Variants in TOP1 observed in about 807,000 individuals in gnomAD.
TOP1 encodes the protein DNA topoisomerase I, also known as DNA topoisomerase 1.
In TOP1, 10 loss-of-function variants were observed where a neutral mutation model predicts 111.1. That is an observed-to-expected ratio of 0.09 (90% CI 0.06 to 0.15). TOP1 has a LOEUF of 0.15. Among genes scored for constraint, TOP1 ranks in the 10% least tolerant of loss-of-function variants. TOP1 has a pLI of 1.00. For synonymous variants in TOP1, 271 were observed against 302.9 expected, an observed-to-expected ratio of 0.89 and a Z score of 1.10; for missense variants, 474 against 926.7, an observed-to-expected ratio of 0.51 and a Z score of 6.34.
chr20:41,076,235 T>C lies in TOP1; in HGVS notation c.220T>C (p.Ser74Pro), dbSNP rs2033725844. The C allele has an allele frequency of 6.2e-7, 1 of 1,602,008 alleles. No individual in the cohort carries two copies. The highest frequency in any genetic ancestry group is 8.6e-7 in the Non-Finnish European group (1 of 1,169,454). Residue 74 changes from serine to proline, a missense_variant, in exon 4 of 21, where the codon TCA becomes CCA. By Grantham distance (74) the Ser-to-Pro change is moderately conservative (BLOSUM62 -1). Coordinates refer to ENST00000361337, the MANE Select transcript of TOP1 (RefSeq NM_003286.4). ...GAAGACCAAACACAAAGATGGAAGC[T>C]CAGAAAAGCATAAAGACAAACATAA... The part of the protein sequence containing the change: ...KEKTKHKDGS[S>P]EKHKDKHKDR...
chr20:41,068,870 GA>G (rs898053584), intron 3 of TOP1, among the ~76,000 whole-genome samples: 3 of 152,174 alleles, frequency 2.0e-5, no homozygotes, highest in African/African-American at 7.2e-5. Flanking sequence ...AGCAATTTGG[GA>G]GGGGGGCTTG....
chr20:41,074,109 C>G (rs1324127354), intron 3 of TOP1, among the ~76,000 whole-genome samples: 1 of 152,144 alleles, frequency 6.6e-6, no homozygotes, highest in Non-Finnish European at 1.5e-5. Flanking sequence ...AGCAACCTTG[C>G]TCTTTGACCA....
In TOP1 at chr20:41,046,399, C is replaced by T. The variant is rs1053740771; in HGVS notation, c.59-14995C>T. Among the ~76,000 whole-genome samples the T allele has an allele frequency of 1.3e-5, 2 of 152,168 alleles. No individual in the cohort carries two copies. Among genetic ancestry groups the T allele is most frequent in the African/African-American group, 4.8e-5 (2 of 41,432 alleles). On this transcript the variant is annotated intron_variant, in intron 2 of 20. Transcript: ENST00000361337. This position sits in a 1 kb window ranked among gnomAD's most constrained non-coding sequence, Gnocchi z 4.3. Reference sequence around the variant, plus strand: ...CTGAGTTCTTAGTTGTGATACAAAACAAGGTAAAGGGGGACCTGGGGTGAC... The same window carrying T: ...CTGAGTTCTTAGTTGTGATACAAAATAAGGTAAAGGGGGACCTGGGGTGAC...
intron 3 of TOP1, chr20:41,072,601 CCTAGGA>C: frequency 3.0e-6 from 3 of 985,394 alleles, no homozygotes; most frequent in Non-Finnish European, 3.6e-6. Flanking sequence ...CAGGCACATT[CCTAGGA>C]AAGATTGGCA....
chr20:41,112,954 T>C lies in TOP1; in HGVS notation c.1452+29T>C. ...AGAGCATCTTCCCATCGGCATTGTC[T>C]AGTGTTGAGCTTAACAAAGGGAGTT... is the stretch of plus-strand genomic sequence containing the variant. On this transcript the variant is annotated intron_variant, in intron 14 of 20. Coordinates refer to ENST00000361337, the MANE Select transcript of TOP1 (RefSeq NM_003286.4). The surrounding 1 kb of genome is among the most constrained non-coding windows in gnomAD (Gnocchi z 5.8). 6.2e-7 allele frequency: 1 copy of C among 1,608,870 alleles called. No homozygotes were observed.
At chr20:41,059,416 A>AT (rs1179229682) in intron 2 of TOP1, among the ~76,000 whole-genome samples, 2 of 110,810 alleles carry the variant, frequency 1.8e-5, no homozygotes, top group African/African-American at 7.7e-5. Flanking sequence ...TAGAAAATAA[A>AT]TAAATAAATA....
At chr20:41,052,750 G>A (rs761772324) in intron 2 of TOP1, among the ~76,000 whole-genome samples, 40 of 152,152 alleles carry the variant, frequency 2.6e-4, no homozygotes, top group Non-Finnish European at 5.0e-4. Flanking sequence ...CAGCACTTTG[G>A]GAGGCCAAGG....
At chr20:41,063,223 G>T (rs1366557390) in intron 3 of TOP1, among the ~76,000 whole-genome samples, 1 of 152,152 alleles carries the variant, frequency 6.6e-6, no homozygotes, top group African/African-American at 2.4e-5. Context: ...ATTTGCTCAG[G>T]ATAATAGCCT....
chr20:41,037,886 A>C (rs2033209391), intron 2 of TOP1, among the ~76,000 whole-genome samples: 1 of 152,356 alleles, frequency 6.6e-6, no homozygotes, highest in East Asian at 1.9e-4. Context: ...AAATTCAATT[A>C]AAAGTAGGCA....
At position 41,098,318 on chromosome 20, in the gene TOP1, T is replaced by A; in HGVS notation, c.956T>A (p.Met319Lys). ...GCCCAGACGGAAGCTCGGAAACAGATGAGCAAGGAAGAGAAACTGGTACTA... is the reference window on the plus strand; with the variant it reads ...GCCCAGACGGAAGCTCGGAAACAGAAGAGCAAGGAAGAGAAACTGGTACTA... Reference protein sequence around the residue: ...FKAQTEARKQMSKEEKLKIKE... With the variant: ...FKAQTEARKQKSKEEKLKIKE... Residue 319 changes from methionine to lysine, a missense_variant, in exon 11 of 21, where the codon ATG becomes AAG. By Grantham distance (95) the Met-to-Lys change is moderately conservative. Around this residue, in one of 14 missense-constraint regions of TOP1, gnomAD observed 84 missense variants for 119.2 expected, o/e 0.70. Coordinates refer to ENST00000361337, the MANE Select transcript of TOP1 (RefSeq NM_003286.4). This position sits in a 1 kb window ranked among gnomAD's most constrained non-coding sequence, Gnocchi z 5.7. The A allele has an allele frequency of 6.2e-7, 1 of 1,613,910 alleles. No homozygotes were observed. The highest frequency in any genetic ancestry group is 2.2e-5 in the East Asian group (1 of 44,858).
intron 2 of TOP1, among the ~76,000 whole-genome samples, chr20:41,041,915 T>G (rs1336643581): frequency 5.3e-5 from 8 of 151,314 alleles, no homozygotes; most frequent in African/African-American, 2.0e-4. Context: ...TGATTATTAT[T>G]ATTATTATTT....
At chr20:41,035,665 G>A (rs928507927) in intron 2 of TOP1, among the ~76,000 whole-genome samples, 2 of 152,174 alleles carry the variant, frequency 1.3e-5, no homozygotes, top group Non-Finnish European at 1.5e-5. Flanking sequence ...CGCTAGCAAA[G>A]ATAGATGCCT....
chr20:41,112,853 G>C lies in TOP1; in HGVS notation c.1380G>C (p.Gln460His), dbSNP rs1451410497. ...AATGTGTGGACAAGATCCGGAACCA[G>C]TATCGAGAAGACTGGAAGTCCAAAG... is the stretch of plus-strand genomic sequence containing the variant. The part of the protein sequence containing the change: ...LKKCVDKIRN[Q>H]YREDWKSKEM... Residue 460 changes from glutamine (Q) to histidine (H), a missense_variant, in exon 14 of 21, where the codon CAG becomes CAC. Physicochemically the swap from Gln to His is conservative, Grantham distance 24. Coordinates refer to ENST00000361337, the MANE Select transcript of TOP1 (RefSeq NM_003286.4). This position sits in a 1 kb window ranked among gnomAD's most constrained non-coding sequence, Gnocchi z 5.8. 6.2e-7 allele frequency: 1 copy of C among 1,614,246 alleles called. No individual in the cohort carries two copies. Among genetic ancestry groups the C allele is most frequent in the South Asian group, 1.1e-5 (1 of 91,084 alleles).
chr20:41,116,249 A>G lies in TOP1; in HGVS notation c.1708-29A>G. The G allele has an allele frequency of 6.6e-7, 1 of 1,504,570 alleles. No homozygotes were observed. The highest frequency in any genetic ancestry group is 9.2e-7 in the Non-Finnish European group (1 of 1,082,254). 93.2% of individuals were successfully genotyped at this position (1,504,570 alleles called of 1,614,324 possible). A position where few individuals can be genotyped will look rare whatever the true frequency, so the allele number is the denominator to read the frequency against. ...AGAAGGAGCAGGTAGTATAGCTTTG[A>G]CCTAAATCTGTTGCTTTGTCTCCTC... On this transcript the variant is annotated intron_variant, in intron 16 of 20. Transcript: ENST00000361337. This position sits in a 1 kb window ranked among gnomAD's most constrained non-coding sequence, Gnocchi z 5.6.
intron 3 of TOP1, chr20:41,073,345 A>G: frequency 2.0e-6 from 2 of 981,602 alleles, no homozygotes; most frequent in Non-Finnish European, 2.4e-6. Flanking sequence ...TTCCTGAATT[A>G]GCCATTTATA....
At chr20:41,086,667 G>T (rs970002916) in intron 8 of TOP1, among the ~76,000 whole-genome samples, 6 of 152,180 alleles carry the variant, frequency 3.9e-5, no homozygotes, top group Non-Finnish European at 7.3e-5. Flanking sequence ...CCTTATCAGT[G>T]TTGCCACACA....
Position 41,115,312 on chromosome 20 carries a change from A to T in TOP1, c.1639-59A>T. The T allele has an allele frequency of 8.1e-7, 1 of 1,241,900 alleles. No homozygotes were observed. 76.9% of individuals were successfully genotyped at this position (1,241,900 alleles called of 1,614,324 possible). A position where few individuals can be genotyped will look rare whatever the true frequency, so the allele number is the denominator to read the frequency against. On this transcript the variant is annotated intron_variant, in intron 15 of 20. Coordinates refer to ENST00000361337, the MANE Select transcript of TOP1 (RefSeq NM_003286.4). This position sits in a 1 kb window ranked among gnomAD's most constrained non-coding sequence, Gnocchi z 6.3. ...TGCAAGTTTCTTTAAGTTTGGGGTT[A>T]TTTCTAAAGTTAGGATTTTTTTCAA...
In TOP1 at chr20:41,118,355, G is replaced by C; in HGVS notation, c.1950+59G>C. 1 of 1,597,588 alleles carries C rather than the reference G, an allele frequency of 6.3e-7. No individual in the cohort carries two copies. The highest frequency in any genetic ancestry group is 8.6e-7 in the Non-Finnish European group (1 of 1,168,066). On this transcript the variant is annotated intron_variant, in intron 18 of 20. Transcript: ENST00000361337. This position sits in a 1 kb window ranked among gnomAD's most constrained non-coding sequence, Gnocchi z 4.6. ...CTGTGGGCAGATTATCTGCGAATGAGAGGATTCAGGGCTGAGATATCAGCA... is the reference window on the plus strand; with the variant it reads ...CTGTGGGCAGATTATCTGCGAATGACAGGATTCAGGGCTGAGATATCAGCA...
intron 11 of TOP1, among the ~76,000 whole-genome samples, chr20:41,099,209 T>G (rs1971048291): frequency 6.6e-6 from 1 of 152,224 alleles, no homozygotes; most frequent in Non-Finnish European, 1.5e-5. Flanking sequence ...AGTTTAAAAA[T>G]TAATGCATTA....
Sources: gnomAD v4.1 joint callset for allele counts (sites outside exome capture counted in the v4.1 genomes callset) on GRCh38, gnomAD v4.1.1 for gene constraint, gnomAD v4.1.1 regional missense constraint, Gnocchi (gnomAD v3.1) non-coding constraint, MANE v1.5 for transcripts, NCBI Gene and HGNC (gene_info 2026-07-23, HGNC 2026-07-21) for gene names.